Variants in BACE1 observed in about 807,000 individuals in gnomAD.
BACE1 encodes APP beta-secretase.
A neutral mutation model predicts 54.0 loss-of-function variants in BACE1; 21 were observed. The observed-to-expected ratio is 0.39, with a 90% CI of 0.28 to 0.56. The LOEUF (loss-of-function observed/expected upper bound fraction) is 0.56. BACE1 is among the 20% of genes least tolerant of loss of function. The pLI is 0.63. For missense variants in BACE1, 511 were observed against 661.2 expected, an observed-to-expected ratio of 0.77 and a Z score of 2.49; for synonymous variants, 232 against 260.9, an observed-to-expected ratio of 0.89 and a Z score of 1.07.
At chr11:117,300,578 C>T (rs1047521070) in intron 1 of BACE1, among the ~76,000 whole-genome samples, 2 of 152,186 alleles carry the variant, frequency 1.3e-5, no homozygotes, top group Non-Finnish European at 1.5e-5. Context: ...GGGCTGCAGC[C>T]GCCGAACCCC....
At chr11:117,292,888 C>G in intron 5 of BACE1, 166 bp downstream of exon 5, 3 of 752,822 alleles carry the variant, frequency 4.0e-6, no homozygotes, top group Non-Finnish European at 6.3e-6. Flanking sequence ...AACCGCAGAT[C>G]CTGCTGTGTG....
In BACE1 at chr11:117,293,192, G is replaced by C; in HGVS notation, c.706-4C>G. The C allele has an allele frequency of 2.5e-6, 4 of 1,611,924 alleles. No homozygotes were observed. The highest frequency in any genetic ancestry group is 2.2e-5 in the East Asian group (1 of 44,770). ...AGTGGTCGATACCTCCAATGATCTAGGGAAAAAAAGAGGCAGGTACCCGTG... is the reference window on the plus strand; with the variant it reads ...AGTGGTCGATACCTCCAATGATCTACGGAAAAAAAGAGGCAGGTACCCGTG... On this transcript the variant is annotated splice_polypyrimidine_tract_variant and splice_region_variant and intron_variant, in intron 4 of 8. Transcript: ENST00000313005. The surrounding 1 kb of genome is among the most constrained non-coding windows in gnomAD (Gnocchi z 4.1).
At chr11:117,308,349 C>G (rs2034876014) in intron 1 of BACE1, among the ~76,000 whole-genome samples, 2 of 152,148 alleles carry the variant, frequency 1.3e-5, no homozygotes, top group Non-Finnish European at 2.9e-5. Context: ...TTAACTTGGC[C>G]TCTCTGTGGA....
At chr11:117,292,749 A>G (rs2034479121) in intron 5 of BACE1, 1 of 241,412 alleles carries the variant, frequency 4.1e-6, no homozygotes, top group Non-Finnish European at 7.9e-6. Context: ...CTCCAAAGAC[A>G]AGACTCTTCA....
chr11:117,307,740 G>A (rs1409006009), intron 1 of BACE1, among the ~76,000 whole-genome samples: 1 of 152,056 alleles, frequency 6.6e-6, no homozygotes, highest in Non-Finnish European at 1.5e-5. Context: ...CTCACTCCCA[G>A]CTAAACTCTT....
Position 117,295,121 on chromosome 11 carries a change from T to C in BACE1, c.567+10A>G, listed in dbSNP as rs1169098612. On this transcript the variant is annotated intron_variant, in intron 3 of 8. Transcript: ENST00000313005. ...ATAGAGTGTGTAGGGCCAAGCCCTG[T>C]TCCTCTCACCCTGGCAATCTCAGCA... The C allele has an allele frequency of 3.1e-6, 5 of 1,612,806 alleles. No individual in the cohort carries two copies. The highest frequency in any genetic ancestry group is 4.2e-6 in the Non-Finnish European group (5 of 1,178,816).
At chr11:117,291,850 G>T in intron 5 of BACE1, 37 bp from the exon 6 acceptor site, 2 of 1,522,304 alleles carry the variant, frequency 1.3e-6, no homozygotes, top group Non-Finnish European at 1.8e-6. Flanking sequence ...GAGTCAAAAG[G>T]TTTTTGATGC....
chr11:117,293,168 G>A lies in BACE1; in HGVS notation c.726C>T (p.His242=). 1 of 1,613,940 alleles carries A rather than the reference G, an allele frequency of 6.2e-7. No homozygotes were observed. The highest frequency in any genetic ancestry group is 8.5e-7 in the Non-Finnish European group (1 of 1,179,946). Residue 242 remains histidine (H), a synonymous_variant, in exon 5 of 9, where the codon CAC becomes CAT. Transcript: ENST00000313005. This position sits in a 1 kb window ranked among gnomAD's most constrained non-coding sequence, Gnocchi z 4.1. ...ACCAGAGACTGCCTGTGTACAGCGA[G>A]TGGTCGATACCTCCAATGATCTAGG... ...GGSMIIGGID[H]SLYTGSLWYT... is the part of the protein sequence containing the mutation.
chr11:117,292,888 C>A (rs1017537963), intron 5 of BACE1, 166 bp downstream of exon 5: 1 of 752,822 alleles, frequency 1.3e-6, no homozygotes, highest in East Asian at 2.9e-5. Flanking sequence ...AACCGCAGAT[C>A]CTGCTGTGTG....
chr11:117,290,563 C>T lies in BACE1; in HGVS notation c.1189G>A (p.Val397Ile). The T allele has an allele frequency of 6.2e-7, 1 of 1,614,232 alleles. No individual in the cohort carries two copies. Among genetic ancestry groups the T allele is most frequent in the Non-Finnish European group, 8.5e-7 (1 of 1,180,052 alleles). The change falls in exon 8 of 9, where the codon GTT (valine) becomes ATT (isoleucine). Residue 397 changes from valine to isoleucine, a missense_variant. By Grantham distance (29) the Val-to-Ile change is conservative. Transcript: ENST00000313005. ...ACAACGTAGAAGCCCTCCATGATAACAGCTCCCATAACAGTGCCCGTGGAT... is the reference window on the plus strand; with the variant it reads ...ACAACGTAGAAGCCCTCCATGATAATAGCTCCCATAACAGTGCCCGTGGAT... ...QSSTGTVMGA[V>I]IMEGFYVVFD...
In BACE1 at chr11:117,289,557, T is replaced by C; in HGVS notation, c.*9A>G. The C allele has an allele frequency of 6.2e-7, 1 of 1,613,872 alleles. No individual in the cohort carries two copies. Among genetic ancestry groups the C allele is most frequent in the Admixed American group, 1.7e-5 (1 of 60,022 alleles). On this transcript the variant is annotated 3_prime_UTR_variant, in exon 9 of 9. Coordinates refer to ENST00000313005, the MANE Select transcript of BACE1 (RefSeq NM_012104.6). ...CAGGGGAATCTCTATCTTCTGCCCA[T>C]GGGCCTCCTCACTTCAGCAGGGAGA...
At chr11:117,311,901 A>G (rs965877922) in intron 1 of BACE1, among the ~76,000 whole-genome samples, 1 of 152,132 alleles carries the variant, frequency 6.6e-6, no homozygotes, top group Non-Finnish European at 1.5e-5. Context: ...GGCCTCCCAA[A>G]GTGCTGGGAT....
chr11:117,314,080 G>A (rs2035016373), intron 1 of BACE1, among the ~76,000 whole-genome samples: 1 of 152,210 alleles, frequency 6.6e-6, no homozygotes. Flanking sequence ...GCTTGTGTGG[G>A]TTCTGCAGCC....
chr11:117,303,301 T>G (rs2134477549), intron 1 of BACE1, among the ~76,000 whole-genome samples: 1 of 152,124 alleles, frequency 6.6e-6, no homozygotes, highest in Non-Finnish European at 1.5e-5. Flanking sequence ...CAGCCTGGGG[T>G]CAGAACTAGG....
intron 1 of BACE1, among the ~76,000 whole-genome samples, chr11:117,303,262 G>A (rs536869196): frequency 1.4e-4 from 21 of 152,288 alleles, no homozygotes; most frequent in African/African-American, 4.8e-4. Context: ...GGGTCAGGCA[G>A]ACCCAGGAGA....
In BACE1 at chr11:117,295,513, GTAAAGTGGGCTTGCAGA is replaced by G. The variant is rs1306531577; in HGVS notation, c.351-183_351-167del. 39 of 1,536,168 alleles carry G rather than the reference GTAAAGTGGGCTTGCAGA, an allele frequency of 2.5e-5. No homozygotes were observed. In the South Asian group the frequency reaches 4.5e-4, roughly 18 times the overall value. On this transcript the variant is annotated intron_variant, in intron 2 of 8. Transcript: ENST00000313005. ...CTAGACTCACCACCCAGAACAGAGT[GTAAAGTGGGCTTGCAGA>G]TAGATGAAGGGAACCATTGGTGAGG... is the stretch of plus-strand genomic sequence containing the variant.
chr11:117,289,584 G>A lies in BACE1; in HGVS notation c.1488C>T (p.Asp496=). The A allele has an allele frequency of 1.2e-6, 2 of 1,614,210 alleles. No individual in the cohort carries two copies. Among genetic ancestry groups the A allele is most frequent in the Non-Finnish European group, 1.7e-6 (2 of 1,180,036 alleles). ...LRQQHDDFAD[D]ISLLK is the part of the protein sequence containing the mutation. ...GGCCTCCTCACTTCAGCAGGGAGAT[G>A]TCATCAGCAAAGTCATCATGCTGCT... Residue 496 remains aspartate, a synonymous_variant, in exon 9 of 9, where the codon GAC becomes GAT. Coordinates refer to ENST00000313005, the MANE Select transcript of BACE1 (RefSeq NM_012104.6).
At position 117,286,743 on chromosome 11, in the gene BACE1, G is replaced by C. The variant is rs1484297339; in HGVS notation, c.*2823C>G. 1 of 152,642 alleles carries C rather than the reference G, an allele frequency of 6.6e-6. No individual in the cohort carries two copies. Among genetic ancestry groups the C allele is most frequent in the Non-Finnish European group, 1.5e-5 (1 of 68,076 alleles). 9.5% of individuals were successfully genotyped at this position (152,642 alleles called of 1,614,324 possible). On this transcript the variant is annotated 3_prime_UTR_variant, in exon 9 of 9. Coordinates refer to ENST00000313005, the MANE Select transcript of BACE1 (RefSeq NM_012104.6). ...TGACTAGCGTCAGTTTAAGGAGCTG[G>C]ACTTCCTGGGACCTCCTTGGCATCT...
intron 1 of BACE1, among the ~76,000 whole-genome samples, chr11:117,304,773 T>TA (rs1271450805): frequency 6.6e-6 from 1 of 152,184 alleles, no homozygotes; most frequent in Non-Finnish European, 1.5e-5. Context: ...CTCACACTTT[T>TA]AATCATGTAT....
Sources: gnomAD v4.1 joint callset for allele counts (sites outside exome capture counted in the v4.1 genomes callset) on GRCh38, gnomAD v4.1.1 for gene constraint, Gnocchi (gnomAD v3.1) non-coding constraint, MANE v1.5 for transcripts, NCBI Gene and HGNC (gene_info 2026-07-23, HGNC 2026-07-21) for gene names.